The following TNIK variants were observed in gnomAD, a reference collection of about 807,000 sequenced individuals.
TNIK encodes the protein TRAF2 and NCK interacting kinase.
TNIK carries 49 observed loss-of-function variants against 191.3 expected under a neutral mutation model. The observed-to-expected ratio is 0.26, with a 90% CI of 0.20 to 0.32. TNIK has a LOEUF of 0.32. TNIK is among the 10% of genes least tolerant of loss of function. The probability of loss-of-function intolerance (pLI) is 1.00; values close to 1 mark genes in which losing one functional copy is unlikely to be tolerated. For synonymous variants in TNIK, 594 were observed against 600.9 expected (o/e 0.99, Z 0.17); for missense variants, 1,155 against 1,702.3 (o/e 0.68, Z 5.66).
At chr3:171,268,891 A>T (rs979741334) in intron 2 of TNIK, among the ~76,000 whole-genome samples, 1 of 152,208 alleles carries the variant, frequency 6.6e-6, no homozygotes, top group Non-Finnish European at 1.5e-5. Context: ...CGGCTGCTAC[A>T]TGGAGTGATG....
chr3:171,076,797 A>G (rs1720016237), intron 28 of TNIK, among the ~76,000 whole-genome samples: 1 of 152,120 alleles, frequency 6.6e-6, no homozygotes, highest in South Asian at 2.1e-4. Flanking sequence ...AGATTTCTAA[A>G]TAACATGATT....
chr3:171,452,627 G>T (rs1277644512), intron 1 of TNIK, among the ~76,000 whole-genome samples: 1 of 151,704 alleles, frequency 6.6e-6, no homozygotes, highest in Non-Finnish European at 1.5e-5. Flanking sequence ...CTTCCAGTGG[G>T]CCACCCCAGA....
chr3:171,300,312 C>T (rs529201002), intron 2 of TNIK, among the ~76,000 whole-genome samples: 5 of 152,208 alleles, frequency 3.3e-5, no homozygotes, highest in Non-Finnish European at 4.4e-5. Context: ...CCCTATGGGG[C>T]CAGGAAGAAC....
At chr3:171,137,985 CA>C (rs1730280538) in intron 15 of TNIK, among the ~76,000 whole-genome samples, 1 of 101,820 alleles carries the variant, frequency 9.8e-6, no homozygotes, top group African/African-American at 4.5e-5. Flanking sequence ...AAAAAAAAAA[CA>C]AAAACAAAAC....
intron 21 of TNIK, among the ~76,000 whole-genome samples, chr3:171,104,466 T>C (rs1724320395): frequency 6.6e-6 from 1 of 152,100 alleles, no homozygotes; most frequent in African/African-American, 2.4e-5. Context: ...TTTGAGAATA[T>C]ATAGCTAAAA....
chr3:171,155,714 G>A (rs545205556), intron 12 of TNIK, among the ~76,000 whole-genome samples: 112 of 152,316 alleles, frequency 7.4e-4, no homozygotes, highest in African/African-American at 2.6e-3. Flanking sequence ...GGTCAAAGGC[G>A]AGCATCTGTT....
Position 171,167,102 on chromosome 3 carries a change from T to C in TNIK, c.942A>G (p.Gly314=). ...DHIDRTKKKR[G]EKDETEYEYS... ...TACAAATGTGCGTCTAACCTTTTTC[T>C]CCTCGCTTCTTCTTTGTTCTATCAA... is the stretch of plus-strand genomic sequence containing the variant. The change falls in exon 10 of 33, where the codon GGA becomes GGG. Residue 314 remains glycine, a synonymous_variant. Transcript: ENST00000436636. The C allele has an allele frequency of 6.2e-7, 1 of 1,610,054 alleles. No individual in the cohort carries two copies. The highest frequency in any genetic ancestry group is 8.5e-7 in the Non-Finnish European group (1 of 1,177,884).
chr3:171,419,406 G>A (rs530701387), intron 1 of TNIK, among the ~76,000 whole-genome samples: 12 of 152,308 alleles, frequency 7.9e-5, no homozygotes, highest in African/African-American at 2.2e-4. Context: ...TGACAAAAAT[G>A]TTCTAAAATT....
intron 5 of TNIK, among the ~76,000 whole-genome samples, chr3:171,192,404 AC>A (rs1738168295): frequency 6.6e-6 from 1 of 152,076 alleles, no homozygotes; most frequent in African/African-American, 2.4e-5. Flanking sequence ...CACCTCCAAA[AC>A]CTCTTGTGGC....
At chr3:171,155,120 T>C (rs1732996190) in intron 12 of TNIK, among the ~76,000 whole-genome samples, 1 of 152,210 alleles carries the variant, frequency 6.6e-6, no homozygotes, top group South Asian at 2.1e-4. Flanking sequence ...ATGTTTTTCC[T>C]ACAAAAGGAA....
chr3:171,179,453 GTT>G (rs113707866), intron 7 of TNIK, among the ~76,000 whole-genome samples: 1 of 146,314 alleles, frequency 6.8e-6, no homozygotes. Context: ...TGGGTTTTTT[GTT>G]TTTTTTTTTT....
At chr3:171,331,511 T>C (rs1042198771) in intron 2 of TNIK, among the ~76,000 whole-genome samples, 1 of 152,190 alleles carries the variant, frequency 6.6e-6, no homozygotes, top group Non-Finnish European at 1.5e-5. Flanking sequence ...TATAGACTCA[T>C]ATAAAACTGA....
In TNIK at chr3:171,093,914, C is replaced by G; in HGVS notation, c.2646G>C (p.Thr882=). 2 of 1,613,866 alleles carry G rather than the reference C, an allele frequency of 1.2e-6. No individual in the cohort carries two copies. Among genetic ancestry groups the G allele is most frequent in the Middle Eastern group, 1.6e-4 (1 of 6,062 alleles). ...CCGCATGAGAGGTCTCCAGCCCATG[C>G]GTCCCCACCATTCCCACATTGTACT... ...NEQYNVGMVG[T]HGLETSHADS... is the part of the protein sequence containing the mutation. Residue 882 remains threonine (T), a synonymous_variant, in exon 23 of 33, where the codon ACG becomes ACC. Coordinates refer to ENST00000436636, the MANE Select transcript of TNIK (RefSeq NM_015028.4).
At chr3:171,369,100 T>C (rs1328121819) in intron 2 of TNIK, among the ~76,000 whole-genome samples, 1 of 152,180 alleles carries the variant, frequency 6.6e-6, no homozygotes, top group Non-Finnish European at 1.5e-5. Flanking sequence ...ATTCCACAGC[T>C]CAGTCTCAAC....
At chr3:171,303,659 A>AGCATCCCAAG (rs1293902655) in intron 2 of TNIK, among the ~76,000 whole-genome samples, 23 of 152,320 alleles carry the variant, frequency 1.5e-4, no homozygotes, top group African/African-American at 5.3e-4. Flanking sequence ...CTTAGAACTG[A>AGCATCCCAAG]GCATCCCAAG....
chr3:171,076,824 AT>A lies in TNIK; in HGVS notation c.3448+2693del, dbSNP rs947866820. 3.0e-3 allele frequency among the ~76,000 whole-genome samples: 442 copies of A among 147,840 alleles called. 2 individuals carry two copies. Among genetic ancestry groups the A allele is most frequent in the African/African-American group, 9.8e-3 (395 of 40,494 alleles). Reference sequence around the variant, plus strand: ...AACATGATTATAATGTTATTCCTTGATTTTTTTTTTTCAGTCACAGACATTA... The same window carrying A: ...AACATGATTATAATGTTATTCCTTGATTTTTTTTTTCAGTCACAGACATTA... On this transcript the variant is annotated intron_variant, in intron 28 of 32. Coordinates refer to ENST00000436636, the MANE Select transcript of TNIK (RefSeq NM_015028.4).
intron 2 of TNIK, among the ~76,000 whole-genome samples, chr3:171,282,498 C>T (rs888684858): frequency 3.9e-5 from 6 of 151,950 alleles, no homozygotes; most frequent in Admixed American, 6.6e-5. Flanking sequence ...CCTGACACCA[C>T]GCCCAGCTAA....
chr3:171,380,350 A>G (rs1337203381), intron 1 of TNIK, among the ~76,000 whole-genome samples: 1 of 152,180 alleles, frequency 6.6e-6, no homozygotes, highest in East Asian at 1.9e-4. Flanking sequence ...AAAGATAGCA[A>G]CTGCAGGAGA....
chr3:171,330,999 T>G (rs537772571), intron 2 of TNIK, among the ~76,000 whole-genome samples: 1 of 152,230 alleles, frequency 6.6e-6, no homozygotes, highest in South Asian at 2.1e-4. Context: ...GTTATAGAGG[T>G]GCCCATTTCG....
Sources: gnomAD v4.1 joint callset for allele counts (sites outside exome capture counted in the v4.1 genomes callset) on GRCh38, gnomAD v4.1.1 for gene constraint, MANE v1.5 for transcripts, NCBI Gene and HGNC (gene_info 2026-07-23, HGNC 2026-07-21) for gene names.